Variants in ST6GALNAC3 observed in about 807,000 individuals in gnomAD.
ST6GALNAC3 encodes the protein alpha-N-acetylgalactosaminide alpha-2,6-sialyltransferase 3.
A neutral mutation model predicts 32.7 loss-of-function variants in ST6GALNAC3; 25 were observed. That is an observed-to-expected ratio of 0.76 (90% CI 0.56 to 1.07). The LOEUF (loss-of-function observed/expected upper bound fraction) is 1.07, where lower values mean the gene tolerates loss of function less well. ST6GALNAC3 is among the 50% of genes least tolerant of loss of function. The pLI is 0.00. For synonymous variants in ST6GALNAC3, 129 were observed against 133.1 expected, an observed-to-expected ratio of 0.97 and a Z score of 0.21; for missense variants, 355 against 382.4, an observed-to-expected ratio of 0.93 and a Z score of 0.60.
intron 3 of ST6GALNAC3, among the ~76,000 whole-genome samples, chr1:76,569,278 A>G (rs1178112664): frequency 6.6e-6 from 1 of 152,182 alleles, no homozygotes; most frequent in Non-Finnish European, 1.5e-5. Context: ...TTGGTACAAA[A>G]TACGTTCAGT....
chr1:76,296,476 C>T (rs570347702), intron 1 of ST6GALNAC3, among the ~76,000 whole-genome samples: 42 of 152,204 alleles, frequency 2.8e-4, no homozygotes, highest in African/African-American at 9.9e-4. Context: ...CTCCCATCGA[C>T]CCTTCTCTTC....
chr1:76,455,823 A>G (rs759517377), intron 3 of ST6GALNAC3, among the ~76,000 whole-genome samples: 1 of 152,172 alleles, frequency 6.6e-6, no homozygotes, highest in Admixed American at 6.6e-5. Context: ...AAATTGCTTG[A>G]ATTTTCAGAG....
At chr1:76,442,938 C>T (rs913198821) in intron 3 of ST6GALNAC3, among the ~76,000 whole-genome samples, 13 of 152,186 alleles carry the variant, frequency 8.5e-5, no homozygotes, top group African/African-American at 3.1e-4. Flanking sequence ...AAATGGTCTC[C>T]TACTGTGTTT....
chr1:76,525,510 A>G (rs1460603272), intron 3 of ST6GALNAC3, among the ~76,000 whole-genome samples: 1 of 151,716 alleles, frequency 6.6e-6, no homozygotes, highest in Non-Finnish European at 1.5e-5. Flanking sequence ...TCGATGATAT[A>G]GATTATCTCA....
intron 3 of ST6GALNAC3, among the ~76,000 whole-genome samples, chr1:76,603,284 T>C (rs1035551542): frequency 4.6e-5 from 7 of 152,186 alleles, no homozygotes; most frequent in African/African-American, 1.7e-4. Context: ...AGGTAATGTT[T>C]GCAAAAGGAA....
intron 2 of ST6GALNAC3, among the ~76,000 whole-genome samples, chr1:76,340,333 A>G (rs973569266): frequency 3.3e-5 from 5 of 152,194 alleles, no homozygotes; most frequent in African/African-American, 1.2e-4. Flanking sequence ...ATTGATGATG[A>G]TTCTATGTGT....
At chr1:76,346,918 G>C (rs1648566400) in intron 2 of ST6GALNAC3, among the ~76,000 whole-genome samples, 1 of 152,098 alleles carries the variant, frequency 6.6e-6, no homozygotes, top group African/African-American at 2.4e-5. Context: ...CGTTTACTTA[G>C]TATATAGACG....
chr1:76,392,943 A>ATACATCTATTAATCTAT (rs1652678085), intron 2 of ST6GALNAC3, among the ~76,000 whole-genome samples: 2 of 152,164 alleles, frequency 1.3e-5, no homozygotes, highest in Non-Finnish European at 2.9e-5. Flanking sequence ...TTAATGTGGA[A>ATACATCTATTAATCTAT]GTATTAGAAA....
chr1:76,514,284 T>C (rs1662041484), intron 3 of ST6GALNAC3, among the ~76,000 whole-genome samples: 1 of 152,160 alleles, frequency 6.6e-6, no homozygotes. Context: ...CGAAGGGTGT[T>C]GAATATTGCC....
chr1:76,450,667 T>C (rs887338424), intron 3 of ST6GALNAC3, among the ~76,000 whole-genome samples: 2 of 152,230 alleles, frequency 1.3e-5, no homozygotes, highest in African/African-American at 2.4e-5. Flanking sequence ...TGTTATCTTC[T>C]AGAATTTTTA....
chr1:76,158,771 C>T (rs532589982), intron 1 of ST6GALNAC3, among the ~76,000 whole-genome samples: 12 of 152,132 alleles, frequency 7.9e-5, no homozygotes, highest in Admixed American at 1.3e-4. Context: ...GTAGCTTTTA[C>T]TATTATCTAA....
intron 3 of ST6GALNAC3, among the ~76,000 whole-genome samples, chr1:76,611,668 T>C (rs1647941713): frequency 6.6e-6 from 1 of 152,230 alleles, no homozygotes; most frequent in Non-Finnish European, 1.5e-5. Flanking sequence ...TATTAAATGC[T>C]ATTTTTTCTC....
intron 3 of ST6GALNAC3, among the ~76,000 whole-genome samples, chr1:76,615,705 A>T (rs1648248633): frequency 2.0e-5 from 3 of 152,212 alleles, no homozygotes; most frequent in Admixed American, 1.3e-4. Flanking sequence ...GCTCTCAAAT[A>T]AGGGACATTT....
chr1:76,145,267 GA>G (rs1277637333), intron 1 of ST6GALNAC3, among the ~76,000 whole-genome samples: 2 of 152,126 alleles, frequency 1.3e-5, no homozygotes, highest in Non-Finnish European at 2.9e-5. Context: ...AGTCCAGCAG[GA>G]ATCACACTGG....
chr1:76,539,580 A>G (rs1279518751), intron 3 of ST6GALNAC3, among the ~76,000 whole-genome samples: 1 of 152,182 alleles, frequency 6.6e-6, no homozygotes, highest in Non-Finnish European at 1.5e-5. Context: ...TGAACAGGCA[A>G]CCTGCACCAT....
At chr1:76,485,196 G>A (rs985906393) in intron 3 of ST6GALNAC3, among the ~76,000 whole-genome samples, 2 of 152,090 alleles carry the variant, frequency 1.3e-5, no homozygotes, top group African/African-American at 2.4e-5. Flanking sequence ...TTTTTGTTGT[G>A]TGTCTACCAG....
chr1:76,422,040 T>C (rs1362101312), intron 3 of ST6GALNAC3, among the ~76,000 whole-genome samples: 1 of 151,960 alleles, frequency 6.6e-6, no homozygotes, highest in Non-Finnish European at 1.5e-5. Flanking sequence ...TCTAACATTC[T>C]ATATAATATA....
chr1:76,330,763 C>T (rs1014079059), intron 2 of ST6GALNAC3, among the ~76,000 whole-genome samples: 1 of 152,170 alleles, frequency 6.6e-6, no homozygotes, highest in East Asian at 1.9e-4. Context: ...CAGATAACTA[C>T]AGGAGGCTGC....
At chr1:76,525,810 T>TACATATATATATATATAC (rs1557529038) in intron 3 of ST6GALNAC3, among the ~76,000 whole-genome samples, 1 of 126,846 alleles carries the variant, frequency 7.9e-6, no homozygotes, top group East Asian at 2.7e-4. Context: ...TATATATATA[T>TACATATATATATATATAC]ATATATATAT....
Sources: allele counts gnomAD v4.1 joint callset (sites outside exome capture counted in the v4.1 genomes callset), GRCh38; gene constraint gnomAD v4.1.1; transcripts MANE v1.5; gene names NCBI Gene and HGNC (gene_info 2026-07-23, HGNC 2026-07-21).